The following CCND3 variants were observed in gnomAD, a reference collection of about 807,000 sequenced individuals.
CCND3 encodes cyclin D3.
CCND3 carries 9 observed loss-of-function variants against 28.7 expected under a neutral mutation model. The ratio of observed to expected loss-of-function variants is 0.31; its 90% CI spans 0.19 to 0.55. The LOEUF is 0.55. Among genes scored for constraint, CCND3 ranks in the 20% least tolerant of loss-of-function variants. The pLI, the probability that CCND3 is intolerant of heterozygous loss-of-function variation, is 0.93. For synonymous variants in CCND3, 164 were observed against 163.9 expected, an observed-to-expected ratio of 1.00 and a Z score of 0.00; for missense variants, 315 against 385.8, an observed-to-expected ratio of 0.82 and a Z score of 1.54.
intron 1 of CCND3, among the ~76,000 whole-genome samples, chr6:41,979,591 C>T (rs866101242): frequency 6.7e-6 from 1 of 148,452 alleles, no homozygotes; most frequent in Non-Finnish European, 1.5e-5. Context: ...AAATACCTTC[C>T]ATTGTCAGAC....
rs565588318 is a variant in CCND3, at chr6:42,015,851, A to AT, written c.-46+32649dup. Reference sequence around the variant, plus strand: ...CTAATTAACATATGCATTGCCTCACATTTTTTTGTGTGCGTGGTGAGAACA... The same window carrying AT: ...CTAATTAACATATGCATTGCCTCACATTTTTTTTGTGTGCGTGGTGAGAACA... On this transcript the variant is annotated intron_variant, in intron 1 of 4. Coordinates refer to the CCND3 transcript ENST00000372988. Among the ~76,000 whole-genome samples, 309 of 152,182 alleles carry AT rather than the reference A, an allele frequency of 2.0e-3. 7 individuals are homozygous for AT. The highest frequency in any genetic ancestry group is 2.8e-3 in the Non-Finnish European group (191 of 68,002).
At chr6:41,992,960 G>C (rs1762698116) in intron 1 of CCND3, among the ~76,000 whole-genome samples, 1 of 152,286 alleles carries the variant, frequency 6.6e-6, no homozygotes, top group African/African-American at 2.4e-5. Context: ...CCAGGCTGGA[G>C]TGCAGTTGTA....
intron 1 of CCND3, chr6:42,031,341 T>A (rs1321737891): frequency 1.3e-5 from 2 of 152,202 alleles, no homozygotes; most frequent in African/African-American, 4.8e-5. Context: ...CAGAGTCACC[T>A]GGATACTTCA....
intron 1 of CCND3, among the ~76,000 whole-genome samples, chr6:42,013,526 TA>T (rs1473475761): frequency 1.3e-5 from 2 of 152,178 alleles, no homozygotes; most frequent in Non-Finnish European, 2.9e-5. Flanking sequence ...GTTGAGCAAA[TA>T]AATAACTGTT....
chr6:42,049,567 G>C (rs1764667914), upstream of CCND3: 1 of 152,310 alleles, frequency 6.6e-6, no homozygotes, highest in Non-Finnish European at 1.5e-5. Flanking sequence ...TGACAGGCTA[G>C]GGAGAAAACC....
chr6:41,945,260 TCCCAGCACTTTGGGATG>T (rs1249892564), upstream of CCND3, among the ~76,000 whole-genome samples: 1 of 152,168 alleles, frequency 6.6e-6, no homozygotes, highest in East Asian at 1.9e-4. Context: ...ACGCCTGTAA[TCCCAGCACTTTGGGATG>T]CCAAGACGGG....
At position 42,017,925 on chromosome 6, in the gene CCND3, C is replaced by T. The variant is rs377467666; in HGVS notation, c.-46+30576G>A. On this transcript the variant is annotated intron_variant, in intron 1 of 4. Coordinates refer to the CCND3 transcript ENST00000372988. ...CGGCACTTTGGGAGGCCGAGGCAGG[C>T]GGATCACGAGGTCAGGAGATCAACA... 1.2e-3 allele frequency among the ~76,000 whole-genome samples: 183 copies of T among 150,892 alleles called. 5 individuals are homozygous for T. In the South Asian group the frequency reaches 0.031, roughly 25 times the overall value.
chr6:42,038,666 AAAG>A (rs1764293401), intron 1 of CCND3, among the ~76,000 whole-genome samples: 1 of 152,202 alleles, frequency 6.6e-6, no homozygotes, highest in African/African-American at 2.4e-5. Flanking sequence ...TACTATAGAA[AAAG>A]AATAAGAAAT....
intron 1 of CCND3, among the ~76,000 whole-genome samples, chr6:41,995,770 C>T (rs914754671): frequency 1.1e-4 from 16 of 152,018 alleles, no homozygotes; most frequent in Middle Eastern, 3.4e-3. Flanking sequence ...AATACATAAA[C>T]GATCTGGGCA....
chr6:41,996,443 C>A (rs545752463), intron 1 of CCND3, among the ~76,000 whole-genome samples: 205 of 151,942 alleles, frequency 1.3e-3, no homozygotes, highest in Non-Finnish European at 2.3e-3. Context: ...AGCCACCGCG[C>A]CCAGCCTGAT....
intron 1 of CCND3, among the ~76,000 whole-genome samples, chr6:41,951,563 C>CAAAAAAAA (rs1561958126): frequency 1.3e-5 from 1 of 76,988 alleles, no homozygotes; most frequent in Non-Finnish European, 2.7e-5. Context: ...CACACACACA[C>CAAAAAAAA]ACACACACAC....
chr6:42,033,701 T>A (rs1384003835), intron 1 of CCND3, among the ~76,000 whole-genome samples: 3 of 149,686 alleles, frequency 2.0e-5, no homozygotes, highest in Non-Finnish European at 3.0e-5. Context: ...TACAAAATAA[T>A]TAGCTGGGCA....
chr6:42,048,809 AC>A lies in CCND3; in HGVS notation c.-355del. 4 of 412,678 alleles carry A rather than the reference AC, an allele frequency of 9.7e-6. No homozygotes were observed. Among genetic ancestry groups the A allele is most frequent in the South Asian group, 5.1e-5 (3 of 59,394 alleles). The allele number at this position is 412,678 out of a possible 1,614,324, so 25.6% of individuals were successfully genotyped here. A position where few individuals can be genotyped will look rare whatever the true frequency, so the allele number is the denominator to read the frequency against. On this transcript the variant is annotated 5_prime_UTR_variant, in exon 1 of 5. Coordinates refer to the CCND3 transcript ENST00000372988. This position sits in a 1 kb window ranked among gnomAD's most constrained non-coding sequence, Gnocchi z 4.7. ...TTTCGGTCCCCGGCCTGACTCTCCC[AC>A]CCCCTGTACACCCTCGGCGAGGCCA...
chr6:42,015,714 A>C (rs1419668590), intron 1 of CCND3, among the ~76,000 whole-genome samples: 1 of 151,796 alleles, frequency 6.6e-6, no homozygotes, highest in East Asian at 1.9e-4. Context: ...CATCTCAAAA[A>C]ATAAAAAAAA....
At chr6:41,964,450 GAGTC>G (rs1761813007) in intron 1 of CCND3, among the ~76,000 whole-genome samples, 6 of 129,780 alleles carry the variant, frequency 4.6e-5, no homozygotes, top group African/African-American at 1.6e-4. Flanking sequence ...GTGAATGTGT[GAGTC>G]TGTGTGTGAG....
chr6:41,937,191 T>G (rs755360211), intron 3 of CCND3, 44 bp downstream of exon 3: 1 of 1,605,900 alleles, frequency 6.2e-7, no homozygotes, highest in East Asian at 2.2e-5. Context: ...CTTATAAGTC[T>G]TCTGATTTTT....
At chr6:42,046,645 C>T (rs1764553283) in intron 1 of CCND3, among the ~76,000 whole-genome samples, 1 of 152,174 alleles carries the variant, frequency 6.6e-6, no homozygotes. Flanking sequence ...TGCACGCACA[C>T]ACGCGCGCGC....
chr6:41,951,944 T>C (rs953026548), intron 1 of CCND3, among the ~76,000 whole-genome samples: 1 of 152,016 alleles, frequency 6.6e-6, no homozygotes, highest in African/African-American at 2.4e-5. Flanking sequence ...GTATTTTTAG[T>C]AGAGACGCGG....
chr6:41,999,918 C>T (rs1447189001), intron 1 of CCND3, among the ~76,000 whole-genome samples: 1 of 151,940 alleles, frequency 6.6e-6, no homozygotes, highest in Non-Finnish European at 1.5e-5. Context: ...AATCCACCAT[C>T]GGAGTAGGAT....
Sources: allele counts gnomAD v4.1 joint callset (sites outside exome capture counted in the v4.1 genomes callset), GRCh38; gene constraint gnomAD v4.1.1; non-coding constraint Gnocchi (gnomAD v3.1); transcripts MANE v1.5; gene names NCBI Gene and HGNC (gene_info 2026-07-23, HGNC 2026-07-21).